The following SNX9 variants were observed in gnomAD, a reference collection of about 807,000 sequenced individuals.
The protein encoded by SNX9 is sorting nexin 9.
A neutral mutation model predicts 89.4 loss-of-function variants in SNX9; 44 were observed. The ratio of observed to expected loss-of-function variants is 0.49; its 90% confidence interval spans 0.39 to 0.63. The LOEUF is 0.63. Ranked by LOEUF, SNX9 falls within the 30% of genes least tolerant of loss-of-function variation. SNX9 has a pLI of 0.00. For missense variants in SNX9, 578 were observed against 736.1 expected (o/e 0.79, Z 2.49); for synonymous variants, 236 against 247.8 (o/e 0.95, Z 0.45).
chr6:157,894,128 G>A (rs1336921366), intron 4 of SNX9, among the ~76,000 whole-genome samples: 1 of 13,154 alleles, frequency 7.6e-5, no homozygotes, highest in Non-Finnish European at 1.7e-4. Flanking sequence ...TTTTTTTTTT[G>A]AGACAGAGTC....
chr6:157,941,416 A>G (rs1784033045), intron 17 of SNX9, among the ~76,000 whole-genome samples: 1 of 152,224 alleles, frequency 6.6e-6, no homozygotes, highest in South Asian at 2.1e-4. Flanking sequence ...ACAGTGCGCC[A>G]TGGAAATCGC....
intron 9 of SNX9, among the ~76,000 whole-genome samples, chr6:157,914,037 A>T (rs774476291): frequency 6.6e-6 from 1 of 152,188 alleles, no homozygotes; most frequent in Non-Finnish European, 1.5e-5. Flanking sequence ...TTTGGCAAGT[A>T]TATATTTAAT....
At chr6:157,928,966 T>C (rs1328836474) in intron 12 of SNX9, among the ~76,000 whole-genome samples, 2 of 152,220 alleles carry the variant, frequency 1.3e-5, no homozygotes, top group African/African-American at 4.8e-5. Flanking sequence ...TTATAATCTT[T>C]GGAAAATTAA....
rs138413041 is a variant in SNX9, at chr6:157,936,010, T to C, written c.1413T>C (p.Tyr471=). The part of the protein sequence containing the change: ...NDAITEAGKT[Y]EEIASLVAEQ... ...CAATAACAGAAGCAGGAAAGACTTA[T>C]GAAGAAATTGCCAGTCTCGTGGCAG... The change falls in exon 14 of 18, where the codon TAT becomes TAC. Residue 471 remains tyrosine (Y), a synonymous_variant. Coordinates refer to ENST00000392185, the MANE Select transcript of SNX9 (RefSeq NM_016224.5). 80 of 1,612,600 alleles carry C rather than the reference T, an allele frequency of 5.0e-5. No homozygotes were observed. The highest frequency in any genetic ancestry group is 1.6e-4 in the Middle Eastern group (1 of 6,078).
At chr6:157,913,947 G>A (rs556548692) in intron 9 of SNX9, among the ~76,000 whole-genome samples, 5 of 144,452 alleles carry the variant, frequency 3.5e-5, no homozygotes, top group South Asian at 2.2e-4. Flanking sequence ...TAAAGCTGCC[G>A]TAAACATTTG....
At chr6:157,931,177 C>G (rs1236973437) in intron 12 of SNX9, among the ~76,000 whole-genome samples, 4 of 152,180 alleles carry the variant, frequency 2.6e-5, no homozygotes, top group Non-Finnish European at 4.4e-5. Context: ...AATGAAAACT[C>G]TAGCACACAC....
rs533253724 is a variant in SNX9 at position 157,899,807 on chromosome 6, C to T, written c.473-2091C>T. Among the ~76,000 whole-genome samples, 6 of 152,120 alleles carry T rather than the reference C, an allele frequency of 3.9e-5. No individual in the cohort carries two copies. The South Asian group carries it at 1.2e-3, about 32-fold the overall frequency. On this transcript the variant is annotated intron_variant, in intron 5 of 17. Transcript: ENST00000392185. ...AATTATCTATATTTGAGGTATACAG[C>T]GTGATGTTGTAATATACATGTATAT...
rs1335131096 is a variant in SNX9 at position 157,875,096 on chromosome 6, G to A, written c.220G>A (p.Val74Met). ...GKDQFSCGNSVADQAFLDSLS... is the reference protein window; with the variant it reads ...GKDQFSCGNSMADQAFLDSLS... ...AGATCAATTTTCTTGTGGAAATTCA[G>A]TGGCTGACCAAGCCTTCCTTGATTC... Residue 74 changes from valine to methionine, a missense_variant, in exon 4 of 18, where the codon GTG (valine) becomes ATG (methionine). Val to Met is a conservative substitution (Grantham distance 21, BLOSUM62 1). Coordinates refer to ENST00000392185, the MANE Select transcript of SNX9 (RefSeq NM_016224.5). The A allele has an allele frequency of 1.2e-6, 2 of 1,613,898 alleles. No homozygotes were observed. The highest frequency in any genetic ancestry group is 1.7e-6 in the Non-Finnish European group (2 of 1,179,994).
chr6:157,823,746 G>A lies in SNX9; in HGVS notation c.12+300G>A. Among the ~76,000 whole-genome samples, 1 of 151,962 alleles carries A rather than the reference G, an allele frequency of 6.6e-6. No homozygotes were observed. Among genetic ancestry groups the A allele is most frequent in the Non-Finnish European group, 1.5e-5 (1 of 67,938 alleles). ...TTGCACCTGAGCGTGGGCTGCGGCG[G>A]GCTCGCCGGGAGGGGCCGCGGGACG... On this transcript the variant is annotated intron_variant, in intron 1 of 17. Coordinates refer to ENST00000392185, the MANE Select transcript of SNX9 (RefSeq NM_016224.5). This position sits in a 1 kb window ranked among gnomAD's most constrained non-coding sequence, Gnocchi z 4.6.
chr6:157,872,925 A>G, intron 2 of SNX9, 177 bp from the exon 3 acceptor site: 1 of 458,284 alleles, frequency 2.2e-6, no homozygotes, highest in East Asian at 3.3e-5. Flanking sequence ...AGGTTACATC[A>G]TTTTCTGAAG....
chr6:157,850,194 A>G (rs538175880), intron 1 of SNX9, among the ~76,000 whole-genome samples: 1 of 152,262 alleles, frequency 6.6e-6, no homozygotes, highest in South Asian at 2.1e-4. Context: ...AGGGCCTAGC[A>G]TGGTGATTGG....
At chr6:157,884,619 T>C (rs1024916388) in intron 4 of SNX9, among the ~76,000 whole-genome samples, 3 of 152,128 alleles carry the variant, frequency 2.0e-5, no homozygotes, top group African/African-American at 4.8e-5. Flanking sequence ...GAATTCTTTT[T>C]AGTTGGTAAT....
intron 4 of SNX9, among the ~76,000 whole-genome samples, chr6:157,876,665 G>A (rs1254430580): frequency 6.6e-6 from 1 of 152,160 alleles, no homozygotes; most frequent in Non-Finnish European, 1.5e-5. Flanking sequence ...TGAGAACATT[G>A]GCCAGGTAAG....
intron 1 of SNX9, among the ~76,000 whole-genome samples, chr6:157,858,858 C>T (rs938845875): frequency 3.3e-5 from 5 of 152,158 alleles, no homozygotes; most frequent in African/African-American, 7.2e-5. Context: ...CTCACTACCA[C>T]GAGAACAGTA....
intron 10 of SNX9, chr6:157,924,642 A>T (rs1366417922): frequency 6.5e-6 from 1 of 152,826 alleles, no homozygotes; most frequent in East Asian, 1.9e-4. Flanking sequence ...GTCATTTCTT[A>T]TTTAGAGGTG....
intron 9 of SNX9, among the ~76,000 whole-genome samples, chr6:157,915,064 T>G (rs1176091852): frequency 6.6e-6 from 1 of 152,164 alleles, no homozygotes; most frequent in East Asian, 1.9e-4. Context: ...TGTTTTCCAT[T>G]TATTAGAAAC....
At chr6:157,878,041 A>G (rs534481812) in intron 4 of SNX9, among the ~76,000 whole-genome samples, 1 of 152,340 alleles carries the variant, frequency 6.6e-6, no homozygotes, top group Admixed American at 6.5e-5. Flanking sequence ...ATAAATGTAT[A>G]ACCTACTATG....
At chr6:157,834,404 T>C (rs1224743123) in intron 1 of SNX9, among the ~76,000 whole-genome samples, 2 of 150,010 alleles carry the variant, frequency 1.3e-5, no homozygotes, top group East Asian at 3.9e-4. Flanking sequence ...TGGAGTGCAG[T>C]GGCATGATAA....
At chr6:157,881,126 A>G (rs982338332) in intron 4 of SNX9, among the ~76,000 whole-genome samples, 4 of 152,134 alleles carry the variant, frequency 2.6e-5, no homozygotes, top group African/African-American at 7.2e-5. Context: ...GAGCAAGTCT[A>G]TGGGCGCCAT....
Sources: gnomAD v4.1 joint callset for allele counts (sites outside exome capture counted in the v4.1 genomes callset) on GRCh38, gnomAD v4.1.1 for gene constraint, Gnocchi (gnomAD v3.1) non-coding constraint, MANE v1.5 for transcripts, NCBI Gene and HGNC (gene_info 2026-07-23, HGNC 2026-07-21) for gene names.